The following GALNT13 variants were observed in gnomAD, a reference collection of about 807,000 sequenced individuals.
The protein encoded by GALNT13 is polypeptide N-acetylgalactosaminyltransferase 13, also known as UDP-GalNAc:polypeptide N-acetylgalactosaminyltransferase 13.
A neutral mutation model predicts 64.2 loss-of-function variants in GALNT13; 28 were observed. The ratio of observed to expected loss-of-function variants is 0.44; its 90% CI spans 0.32 to 0.60. GALNT13 has a LOEUF of 0.60. Among genes scored for constraint, GALNT13 ranks in the 20% least tolerant of loss-of-function variants. GALNT13 has a pLI of 0.05. For synonymous variants in GALNT13, 214 were observed against 224.6 expected, an observed-to-expected ratio of 0.95 and a Z score of 0.42; for missense variants, 577 against 669.8, an observed-to-expected ratio of 0.86 and a Z score of 1.53.
chr2:154,001,481 A>C (rs1461451678), intron 3 of GALNT13, among the ~76,000 whole-genome samples: 1 of 151,994 alleles, frequency 6.6e-6, no homozygotes, highest in Non-Finnish European at 1.5e-5. Flanking sequence ...AAAATTATAT[A>C]GTTATAACAG....
chr2:153,793,735 G>A, the GALNT13 span, among the ~76,000 whole-genome samples: 1 of 151,144 alleles, frequency 6.6e-6, no homozygotes, highest in Non-Finnish European at 1.5e-5. Context: ...TCAGATTTAA[G>A]AACTAGTAAT....
intron 3 of GALNT13, among the ~76,000 whole-genome samples, chr2:153,966,672 G>A (rs934756265): frequency 2.0e-5 from 3 of 151,658 alleles, no homozygotes; most frequent in Non-Finnish European, 2.9e-5. Flanking sequence ...CCGGCCCCGG[G>A]ATTTTTTTTT....
chr2:153,662,272 C>T, the GALNT13 span, among the ~76,000 whole-genome samples: 14 of 152,282 alleles, frequency 9.2e-5, no homozygotes, highest in Middle Eastern at 3.4e-3. Context: ...TCCAGATCTC[C>T]TGATATGATT....
At chr2:154,393,624 G>A (rs1698902601) in intron 9 of GALNT13, among the ~76,000 whole-genome samples, 1 of 152,226 alleles carries the variant, frequency 6.6e-6, no homozygotes. Flanking sequence ...AATTATCTAG[G>A]ATTAGAACAA....
chr2:153,630,224 A>G, the GALNT13 span, among the ~76,000 whole-genome samples: 3 of 152,060 alleles, frequency 2.0e-5, no homozygotes, highest in Non-Finnish European at 4.4e-5. Flanking sequence ...CACTATTCAC[A>G]ATAGCAGAGA....
the GALNT13 span, among the ~76,000 whole-genome samples, chr2:153,283,517 AGT>A: frequency 6.6e-6 from 1 of 152,106 alleles, no homozygotes; most frequent in Non-Finnish European, 1.5e-5. Context: ...TCACTGGAAG[AGT>A]GGGTTTGCTC....
the GALNT13 span, among the ~76,000 whole-genome samples, chr2:153,222,307 TGGGGGGGGGGGGGG>T: frequency 3.2e-4 from 2 of 6,328 alleles, no homozygotes; most frequent in Non-Finnish European, 5.8e-4. Flanking sequence ...TGAGTCTGGC[TGGGGGGGGGGGGGG>T]GGGGGTGGGG....
chr2:154,235,346 A>G (rs778950922), intron 4 of GALNT13, among the ~76,000 whole-genome samples: 22 of 152,296 alleles, frequency 1.4e-4, no homozygotes, highest in Admixed American at 1.3e-4. Flanking sequence ...CACATTGTAA[A>G]TATAAACCAA....
chr2:153,665,497 CT>C, the GALNT13 span, among the ~76,000 whole-genome samples: 35 of 152,262 alleles, frequency 2.3e-4, no homozygotes, highest in African/African-American at 7.5e-4. Flanking sequence ...CCACCTCCCC[CT>C]ATCTAGCATA....
the GALNT13 span, among the ~76,000 whole-genome samples, chr2:153,127,089 A>T: frequency 1.1e-4 from 17 of 152,312 alleles, no homozygotes; most frequent in Admixed American, 7.8e-4. Flanking sequence ...GCTACAAAAA[A>T]ATCTTTGAAT....
chr2:154,440,429 A>AG, intron 12 of GALNT13, among the ~76,000 whole-genome samples: 2 of 151,792 alleles, frequency 1.3e-5, no homozygotes, highest in South Asian at 2.1e-4. Context: ...ATGCTATTGA[A>AG]TACTAAGGAA....
the GALNT13 span, among the ~76,000 whole-genome samples, chr2:153,582,820 G>A: frequency 4.6e-5 from 7 of 152,240 alleles, no homozygotes; most frequent in East Asian, 1.2e-3. Context: ...TCTATGGGAT[G>A]CCTCTAGCTT....
intron 4 of GALNT13, among the ~76,000 whole-genome samples, chr2:154,179,738 T>G (rs2105726068): frequency 6.6e-6 from 1 of 151,896 alleles, no homozygotes; most frequent in Non-Finnish European, 1.5e-5. Context: ...TGAAAGAAGC[T>G]TCAAGTACAA....
the GALNT13 span, among the ~76,000 whole-genome samples, chr2:153,124,493 C>T: frequency 6.6e-6 from 1 of 151,668 alleles, no homozygotes; most frequent in South Asian, 2.1e-4. Context: ...CAGGTTAGCT[C>T]GCTTTGTTTT....
At chr2:154,060,973 T>A (rs1482122636) in intron 3 of GALNT13, among the ~76,000 whole-genome samples, 1 of 151,996 alleles carries the variant, frequency 6.6e-6, no homozygotes, top group East Asian at 1.9e-4. Context: ...TTGATTTACA[T>A]CAAGATCAAC....
the GALNT13 span, among the ~76,000 whole-genome samples, chr2:153,215,573 T>G: frequency 1.3e-5 from 2 of 152,094 alleles, no homozygotes; most frequent in African/African-American, 4.8e-5. Context: ...GAGGGCCAAG[T>G]GGCCTTTCCA....
At chr2:154,000,952 TG>T (rs1001535553) in intron 3 of GALNT13, among the ~76,000 whole-genome samples, 1 of 152,012 alleles carries the variant, frequency 6.6e-6, no homozygotes, top group African/African-American at 2.4e-5. Flanking sequence ...GTGTATTTGC[TG>T]TATATATTTG....
At chr2:153,217,724 T>TC in the GALNT13 span, among the ~76,000 whole-genome samples, 3 of 152,162 alleles carry the variant, frequency 2.0e-5, no homozygotes, top group East Asian at 3.9e-4. Context: ...CCTACATGTT[T>TC]CCCCCTGTTT....
the GALNT13 span, among the ~76,000 whole-genome samples, chr2:153,475,982 G>A: frequency 6.6e-6 from 1 of 152,158 alleles, no homozygotes; most frequent in Admixed American, 6.5e-5. Context: ...AAAGTAGATT[G>A]CTTTCCAAGA....
Sources: allele counts gnomAD v4.1 joint callset (sites outside exome capture counted in the v4.1 genomes callset), GRCh38; gene constraint gnomAD v4.1.1; transcripts MANE v1.5; gene names NCBI Gene and HGNC (gene_info 2026-07-23, HGNC 2026-07-21).